Variants in LONP2 observed in about 807,000 individuals in gnomAD.
LONP2 encodes lon peptidase 2, peroxisomal.
LONP2 carries 60 observed loss-of-function variants against 85.6 expected under a neutral mutation model. The observed-to-expected ratio is 0.70, with a 90% CI of 0.57 to 0.87. The LOEUF (loss-of-function observed/expected upper bound fraction) is 0.87, where lower values mean the gene tolerates loss of function less well. Among genes scored for constraint, LONP2 ranks in the 40% least tolerant of loss-of-function variants. LONP2 has a pLI of 0.00. For synonymous variants in LONP2, 395 were observed against 389.7 expected, an observed-to-expected ratio of 1.01 and a Z score of -0.16; for missense variants, 860 against 1,063.5, an observed-to-expected ratio of 0.81 and a Z score of 2.66.
intron 11 of LONP2, among the ~76,000 whole-genome samples, chr16:48,324,849 T>C (rs1973336826): frequency 6.6e-6 from 1 of 152,180 alleles, no homozygotes; most frequent in Non-Finnish European, 1.5e-5. Flanking sequence ...GTGTGATGTT[T>C]CAGTACATGT....
intron 12 of LONP2, among the ~76,000 whole-genome samples, chr16:48,347,026 C>T (rs1306537278): frequency 2.0e-5 from 3 of 151,960 alleles, no homozygotes; most frequent in African/African-American, 7.3e-5. Context: ...GGCCTGTGTG[C>T]GCCCATAGTA....
chr16:48,334,525 G>GT, intron 12 of LONP2, 167 bp downstream of exon 12: 1 of 796,572 alleles, frequency 1.3e-6, no homozygotes, highest in Non-Finnish European at 2.2e-6. Flanking sequence ...ACTTCTTGCA[G>GT]CAGTTGACTG....
intron 10 of LONP2, among the ~76,000 whole-genome samples, chr16:48,302,038 G>A (rs1972817235): frequency 6.6e-6 from 1 of 152,174 alleles, no homozygotes; most frequent in Non-Finnish European, 1.5e-5. Context: ...TCATGGTATA[G>A]GAAGCCCATG....
At chr16:48,295,344 C>G (rs1303693214) in intron 8 of LONP2, among the ~76,000 whole-genome samples, 1 of 152,158 alleles carries the variant, frequency 6.6e-6, no homozygotes, top group Non-Finnish European at 1.5e-5. Context: ...TGCACTCCAA[C>G]CTGGGCAACA....
rs1432089189 is a variant in LONP2, at chr16:48,289,673, ACTT to A, written c.1384-6336_1384-6334del. ...CACAGGCAGCCTTCGACCTTATGGA[ACTT>A]CTTCTAAGTGAAGACATCAATTCCA... On this transcript the variant is annotated intron_variant, in intron 8 of 14. Coordinates refer to ENST00000285737, the MANE Select transcript of LONP2 (RefSeq NM_031490.5). 3.9e-5 allele frequency among the ~76,000 whole-genome samples: 6 copies of A among 152,228 alleles called. No homozygotes were observed. The South Asian group carries it at 6.2e-4, about 16-fold the overall frequency.
rs151013593 is a variant in LONP2, at chr16:48,356,990, T to C, written c.*5188T>C. 1.3e-5 allele frequency: 2 copies of C among 153,200 alleles called. No individual in the cohort carries two copies. The highest frequency in any genetic ancestry group is 2.9e-5 in the Non-Finnish European group (2 of 68,616). 9.5% of individuals were successfully genotyped at this position (153,200 alleles called of 1,614,324 possible). On this transcript the variant is annotated 3_prime_UTR_variant, in exon 15 of 15. Transcript: ENST00000285737. ...ATTATTTTCAGAATTCAGAAAGGCCTAAGAAAATTACATCTATGATAATAA... is the reference window on the plus strand; with the variant it reads ...ATTATTTTCAGAATTCAGAAAGGCCCAAGAAAATTACATCTATGATAATAA...
intron 11 of LONP2, among the ~76,000 whole-genome samples, chr16:48,315,044 T>C (rs1273372707): frequency 3.3e-5 from 5 of 152,204 alleles, no homozygotes; most frequent in African/African-American, 1.2e-4. Flanking sequence ...ATAGAAATAA[T>C]GATAATAGAC....
At chr16:48,337,647 A>G (rs911755224) in intron 12 of LONP2, among the ~76,000 whole-genome samples, 1 of 152,200 alleles carries the variant, frequency 6.6e-6, no homozygotes, top group East Asian at 1.9e-4. Flanking sequence ...GAGAGCTCAC[A>G]GGTGGACCTG....
intron 4 of LONP2, among the ~76,000 whole-genome samples, chr16:48,259,666 C>G (rs1349727717): frequency 6.6e-6 from 1 of 152,154 alleles, no homozygotes; most frequent in East Asian, 1.9e-4. Context: ...AACTCCTCCC[C>G]GGTGGGACTA....
chr16:48,307,816 A>G (rs924154312), intron 11 of LONP2, among the ~76,000 whole-genome samples: 3 of 152,240 alleles, frequency 2.0e-5, no homozygotes, highest in Non-Finnish European at 2.9e-5. Flanking sequence ...ATTTATAAAG[A>G]AAAGAGATTT....
chr16:48,298,626 G>GTGTGT (rs1555481193), intron 9 of LONP2, among the ~76,000 whole-genome samples: 2 of 134,322 alleles, frequency 1.5e-5, no homozygotes, highest in South Asian at 2.6e-4. Context: ...ATTTAATTGA[G>GTGTGT]GTGTGTGTGT....
At chr16:48,348,487 C>CTTTTTTTTTT in intron 14 of LONP2, among the ~76,000 whole-genome samples, 197 bp downstream of exon 14, 1 of 112,804 alleles carries the variant, frequency 8.9e-6, no homozygotes, top group Non-Finnish European at 1.7e-5. Context: ...TCACATTTTC[C>CTTTTTTTTTT]TTTTTTTTTT....
chr16:48,320,235 G>C (rs1973234347), intron 11 of LONP2, among the ~76,000 whole-genome samples: 1 of 151,736 alleles, frequency 6.6e-6, no homozygotes, highest in African/African-American at 2.4e-5. Context: ...TCAAACTTGA[G>C]CTGATTTCTT....
intron 7 of LONP2, among the ~76,000 whole-genome samples, chr16:48,271,730 T>A (rs908341012): frequency 6.6e-6 from 1 of 152,004 alleles, no homozygotes; most frequent in Non-Finnish European, 1.5e-5. Context: ...AAAATAATAA[T>A]AATAAATTTT....
At chr16:48,349,934 T>G (rs1164649958) in intron 14 of LONP2, among the ~76,000 whole-genome samples, 1 of 152,162 alleles carries the variant, frequency 6.6e-6, no homozygotes, top group Non-Finnish European at 1.5e-5. Context: ...GCACTGACAC[T>G]GGATGTGCAG....
chr16:48,292,439 T>C (rs1972575191), intron 8 of LONP2, among the ~76,000 whole-genome samples: 1 of 152,212 alleles, frequency 6.6e-6, no homozygotes, highest in Non-Finnish European at 1.5e-5. Flanking sequence ...AGTTCCCAGC[T>C]TGTCTCTTCC....
intron 7 of LONP2, 148 bp downstream of exon 7, chr16:48,270,422 C>T: frequency 1.1e-6 from 1 of 888,404 alleles, no homozygotes; most frequent in Non-Finnish European, 1.7e-6. Flanking sequence ...CAAGAAGTAT[C>T]AGCTAGCCTA....
At chr16:48,337,241 C>G (rs904561836) in intron 12 of LONP2, among the ~76,000 whole-genome samples, 1 of 152,180 alleles carries the variant, frequency 6.6e-6, no homozygotes, top group Non-Finnish European at 1.5e-5. Flanking sequence ...AATTCCTGCC[C>G]TTGTCTGCTA....
At chr16:48,360,326 A>T (rs1960533716), downstream of LONP2, among the ~76,000 whole-genome samples, 3 of 152,244 alleles carry the variant, frequency 2.0e-5, no homozygotes, top group South Asian at 6.2e-4. Flanking sequence ...CAGTTGTAAG[A>T]ATCAAAATGT....
Sources: gnomAD v4.1 joint callset for allele counts (sites outside exome capture counted in the v4.1 genomes callset) on GRCh38, gnomAD v4.1.1 for gene constraint, MANE v1.5 for transcripts, NCBI Gene and HGNC (gene_info 2026-07-23, HGNC 2026-07-21) for gene names.